The following THRB variants were observed in gnomAD, a reference collection of about 807,000 sequenced individuals.
THRB encodes the protein nuclear receptor subfamily 1 group A member 2.
In THRB, 12 loss-of-function variants were observed where a neutral mutation model predicts 47.8. That is an observed-to-expected ratio of 0.25 (90% CI 0.16 to 0.41). The LOEUF (loss-of-function observed/expected upper bound fraction) is 0.41, where lower values mean the gene tolerates loss of function less well. THRB is among the 10% of genes least tolerant of loss of function. THRB has a pLI of 1.00. For synonymous variants in THRB, 218 were observed against 212.2 expected (o/e 1.03, Z -0.24); for missense variants, 348 against 589.2 (o/e 0.59, Z 4.24).
At chr3:24,229,113 T>G (rs900429329) in intron 3 of THRB, 112 bp from the exon 4 acceptor site, 1 of 716,288 alleles carries the variant, frequency 1.4e-6, no homozygotes, top group African/African-American at 1.8e-5. Context: ...TATTTGTTAC[T>G]CTCAACTCAG....
chr3:24,287,230 C>T (rs548277076), intron 3 of THRB, among the ~76,000 whole-genome samples: 2 of 152,234 alleles, frequency 1.3e-5, no homozygotes, highest in South Asian at 2.1e-4. Flanking sequence ...CAGCTTTACC[C>T]ACTCTCCTTT....
chr3:24,457,470 C>A (rs1577711424), intron 1 of THRB, among the ~76,000 whole-genome samples: 1 of 152,186 alleles, frequency 6.6e-6, no homozygotes, highest in East Asian at 1.9e-4. Context: ...AATCTAATGT[C>A]TTCCTAAATA....
chr3:24,139,390 T>C (rs200528823), intron 8 of THRB, among the ~76,000 whole-genome samples: 6 of 86,012 alleles, frequency 7.0e-5, no homozygotes, highest in Admixed American at 2.2e-4. Flanking sequence ...CTTTTCTTTC[T>C]TTTTTTTTTT....
chr3:24,168,372 T>G (rs894999339), intron 5 of THRB, among the ~76,000 whole-genome samples: 1 of 152,050 alleles, frequency 6.6e-6, no homozygotes, highest in Non-Finnish European at 1.5e-5. Context: ...TTTTCTTGAT[T>G]GCCTGCTCTA....
intron 9 of THRB, among the ~76,000 whole-genome samples, chr3:24,128,794 A>G (rs1305723899): frequency 6.8e-6 from 1 of 147,798 alleles, no homozygotes; most frequent in Non-Finnish European, 1.5e-5. Flanking sequence ...TGAATGTTTC[A>G]TGGGTGAGGC....
At chr3:24,131,764 C>G (rs1024717453) in intron 9 of THRB, among the ~76,000 whole-genome samples, 1 of 152,222 alleles carries the variant, frequency 6.6e-6, no homozygotes, top group African/African-American at 2.4e-5. Context: ...CCTCACCAGA[C>G]AGTGAATCTG....
intron 3 of THRB, among the ~76,000 whole-genome samples, chr3:24,259,183 C>T (rs563445366): frequency 6.6e-6 from 1 of 152,276 alleles, no homozygotes; most frequent in Non-Finnish European, 1.5e-5. Context: ...AGGCAAGACT[C>T]TACATGGGCT....
rs1470140676 is a variant in THRB at position 24,280,128 on chromosome 3, C to G, written c.-43+17098G>C. On this transcript the variant is annotated intron_variant, in intron 3 of 10. Coordinates refer to ENST00000646209, the MANE Select transcript of THRB (RefSeq NM_001354712.2). Reference sequence around the variant, plus strand: ...AGGAGCCAAGATGGCCAAATAGGAACAGCTCTGGTCTACAGCTCCCAGCCT... The same window carrying G: ...AGGAGCCAAGATGGCCAAATAGGAAGAGCTCTGGTCTACAGCTCCCAGCCT... 2.0e-5 allele frequency among the ~76,000 whole-genome samples: 3 copies of G among 152,216 alleles called. No homozygotes were observed. The East Asian group carries it at 5.8e-4, about 29-fold the overall frequency.
At chr3:24,494,947 G>A (rs1337095664), upstream of THRB, 1 of 152,474 alleles carries the variant, frequency 6.6e-6, no homozygotes, top group African/African-American at 2.4e-5. Flanking sequence ...CGTCGCGCGA[G>A]TCCTGCAAAA....
chr3:24,249,075 C>A (rs901958861), intron 3 of THRB, among the ~76,000 whole-genome samples: 1 of 152,104 alleles, frequency 6.6e-6, no homozygotes, highest in Non-Finnish European at 1.5e-5. Flanking sequence ...GAAACAACAC[C>A]GTTGACTTAA....
intron 3 of THRB, among the ~76,000 whole-genome samples, chr3:24,279,700 C>A (rs553421717): frequency 6.6e-6 from 1 of 151,972 alleles, no homozygotes; most frequent in East Asian, 1.9e-4. Flanking sequence ...CGGCCAAATG[C>A]AATGAGTTCT....
chr3:24,432,406 T>C (rs1577519697), intron 1 of THRB, among the ~76,000 whole-genome samples: 5 of 152,272 alleles, frequency 3.3e-5, no homozygotes, highest in Admixed American at 3.3e-4. Flanking sequence ...CCATTAATTC[T>C]ATATCAGTAG....
intron 2 of THRB, among the ~76,000 whole-genome samples, chr3:24,299,305 A>T (rs967915471): frequency 6.6e-6 from 1 of 151,816 alleles, no homozygotes; most frequent in Non-Finnish European, 1.5e-5. Flanking sequence ...GTAGAATAAA[A>T]TAAAAATGTA....
At chr3:24,469,927 G>T (rs1365114420) in intron 1 of THRB, among the ~76,000 whole-genome samples, 1 of 152,242 alleles carries the variant, frequency 6.6e-6, no homozygotes, top group Non-Finnish European at 1.5e-5. Flanking sequence ...CACTTCAAAT[G>T]AATGAAGTCA....
intron 1 of THRB, among the ~76,000 whole-genome samples, chr3:24,488,040 C>T (rs1697565631): frequency 6.6e-6 from 1 of 152,168 alleles, no homozygotes; most frequent in Non-Finnish European, 1.5e-5. Context: ...ATGTCAGGAT[C>T]ATATATTATG....
chr3:24,146,701 C>T lies in THRB; in HGVS notation c.506G>A (p.Cys169Tyr). 6.2e-7 allele frequency: 1 copy of T among 1,614,176 alleles called. No individual in the cohort carries two copies. Among genetic ancestry groups the T allele is most frequent in the Non-Finnish European group, 8.5e-7 (1 of 1,180,014 alleles). The part of the protein sequence containing the change: ...NQCQECRFKK[C>Y]IYVGMATDLV... The stretch of plus-strand genomic sequence containing the variant: ...ATCTGTTGCCATGCCAACATAGATG[C>T]ATTTCTTAAAGCGACATTCCTGGCA... The change falls in exon 7 of 11, where the codon TGC becomes TAC. Residue 169 changes from cysteine (C) to tyrosine (Y), a missense_variant. By Grantham distance (194) the Cys-to-Tyr change is radical. Around this residue, in one of 5 missense-constraint regions of THRB, gnomAD observed 112 missense variants for 212.3 expected, o/e 0.53. Transcript: ENST00000646209.
chr3:24,255,277 G>A (rs1331766314), intron 3 of THRB, among the ~76,000 whole-genome samples: 1 of 152,086 alleles, frequency 6.6e-6, no homozygotes, highest in Non-Finnish European at 1.5e-5. Flanking sequence ...TATTCTTTGA[G>A]TGCCTTTTAC....
At chr3:24,127,447 T>C in intron 10 of THRB, 52 bp downstream of exon 10, 3 of 1,605,502 alleles carry the variant, frequency 1.9e-6, no homozygotes, top group Admixed American at 3.3e-5. Context: ...GAATTAGCGC[T>C]AGACAAGCAA....
At chr3:24,201,773 T>G (rs758338697) in intron 4 of THRB, among the ~76,000 whole-genome samples, 1 of 152,200 alleles carries the variant, frequency 6.6e-6, no homozygotes, top group African/African-American at 2.4e-5. Context: ...TTTGGTAAAT[T>G]TGGTTCATAA....
Sources: gnomAD v4.1 joint callset for allele counts (sites outside exome capture counted in the v4.1 genomes callset) on GRCh38, gnomAD v4.1.1 for gene constraint, gnomAD v4.1.1 regional missense constraint, MANE v1.5 for transcripts, NCBI Gene and HGNC (gene_info 2026-07-23, HGNC 2026-07-21) for gene names.